The following GCC2 variants were observed in gnomAD, a reference collection of about 807,000 sequenced individuals.
GCC2 encodes the protein GRIP and coiled-coil domain containing 2, also known as GRIP and coiled-coil domain-containing protein 2.
Under a neutral mutation model 210.6 loss-of-function variants are expected in GCC2, and 120 were observed. That is an observed-to-expected ratio of 0.57 (90% CI 0.49 to 0.66). GCC2 has a LOEUF of 0.66. Among genes scored for constraint, GCC2 ranks in the 30% least tolerant of loss-of-function variants. GCC2 has a pLI of 0.00. For synonymous variants in GCC2, 703 were observed against 652.7 expected (o/e 1.08, Z -1.17); for missense variants, 1,868 against 1,871.9 (o/e 1.00, Z 0.04).
intron 5 of GCC2, 41 bp downstream of exon 5, chr2:108,469,125 T>C: frequency 4.4e-6 from 5 of 1,137,138 alleles, no homozygotes; most frequent in Non-Finnish European, 6.6e-6. Context: ...TTTATTAACA[T>C]ATAGTGTAGT....
At chr2:108,455,001 A>G (rs1311657417) in intron 4 of GCC2, among the ~76,000 whole-genome samples, 2 of 152,060 alleles carry the variant, frequency 1.3e-5, no homozygotes, top group African/African-American at 4.8e-5. Flanking sequence ...AAAACACTCT[A>G]GAAAGTTTTT....
At chr2:108,507,348 C>A (rs550162077) in intron 22 of GCC2, among the ~76,000 whole-genome samples, 1 of 150,596 alleles carries the variant, frequency 6.6e-6, no homozygotes, top group South Asian at 2.1e-4. Flanking sequence ...GAAGTCTCAT[C>A]ACGCCACTGC....
At chr2:108,486,358 G>C (rs1682139311) in intron 15 of GCC2, 153 bp from the exon 16 acceptor site, 2 of 747,072 alleles carry the variant, frequency 2.7e-6, no homozygotes, top group Non-Finnish European at 2.3e-6. Context: ...ACTTGTCTCT[G>C]CTTTTTCAAT....
At chr2:108,449,712 G>C (rs753835513) in intron 2 of GCC2, 23 bp downstream of exon 2, 22 of 1,602,836 alleles carry the variant, frequency 1.4e-5, no homozygotes, top group Non-Finnish European at 1.8e-5. Context: ...CTTGAATAGC[G>C]GGCTTCCTGA....
intron 4 of GCC2, among the ~76,000 whole-genome samples, chr2:108,455,378 G>T (rs1680201050): frequency 6.6e-6 from 1 of 152,094 alleles, no homozygotes; most frequent in African/African-American, 2.4e-5. Context: ...GGCAGAGGTT[G>T]CAGTGAGCTG....
rs749110429 is a variant in GCC2, at chr2:108,470,445, A to G, written c.1116A>G (p.Ile372Met). 3.7e-6 allele frequency: 6 copies of G among 1,607,028 alleles called. No individual in the cohort carries two copies. In the African/African-American group the frequency reaches 8.0e-5, roughly 21 times the overall value. Residue 372 changes from isoleucine to methionine, a missense_variant, in exon 6 of 23, where the codon ATA becomes ATG. Around this residue, in one of 3 missense-constraint regions of GCC2, gnomAD observed 1,847 missense variants for 1,765.2 expected, o/e 1.05. Coordinates refer to ENST00000309863, the MANE Select transcript of GCC2 (RefSeq NM_181453.4). ...AACTTGAAATGGATGCTCAACATAT[A>G]AAGGATGAGTTTTTTCATGAACGGG... ...KLKLEMDAQH[I>M]KDEFFHERED...
Position 108,470,022 on chromosome 2 carries a change from A to G in GCC2, c.693A>G (p.Gln231=). ...TTGAGGCTAATTCTCAGCATTACCA[A>G]AAAAATATTAATAGTTTGCAGGAAG... The part of the protein sequence containing the change: ...NIIEANSQHY[Q]KNINSLQEEL... Residue 231 remains glutamine, a synonymous_variant, in exon 6 of 23, where the codon CAA becomes CAG. Coordinates refer to ENST00000309863, the MANE Select transcript of GCC2 (RefSeq NM_181453.4). The G allele has an allele frequency of 6.2e-7, 1 of 1,612,846 alleles. No homozygotes were observed.
chr2:108,497,147 G>A lies in GCC2; in HGVS notation c.4782+38G>A, dbSNP rs367734995. On this transcript the variant is annotated intron_variant, in intron 21 of 22. Coordinates refer to ENST00000309863, the MANE Select transcript of GCC2 (RefSeq NM_181453.4). ...AACCTGGCCGCCGTGAAAACCGCCA[G>A]TTTGGTTTTCTTGACCCTCCATACA... The A allele has an allele frequency of 3.1e-6, 5 of 1,611,702 alleles. No individual in the cohort carries two copies. The African/African-American group carries it at 4.0e-5, about 13-fold the overall frequency.
In GCC2 at chr2:108,487,830, GAATT is replaced by G. The variant is rs748857698; in HGVS notation, c.4052+13_4052+16del. On this transcript the variant is annotated intron_variant, in intron 17 of 22. Coordinates refer to ENST00000309863, the MANE Select transcript of GCC2 (RefSeq NM_181453.4). ...GCGCTAAACAAGAAAGGTAAAGTCTGAATTAAATATGCAGAGTTTTCCTCCCACA... is the reference window on the plus strand; with the variant it reads ...GCGCTAAACAAGAAAGGTAAAGTCTGAAATATGCAGAGTTTTCCTCCCACA... 1 of 1,599,948 alleles carries G rather than the reference GAATT, an allele frequency of 6.3e-7. No individual in the cohort carries two copies. The highest frequency in any genetic ancestry group is 1.1e-5 in the South Asian group (1 of 90,558).
chr2:108,478,044 A>G (rs1402344602), intron 9 of GCC2, among the ~76,000 whole-genome samples: 3 of 149,824 alleles, frequency 2.0e-5, no homozygotes, highest in African/African-American at 7.5e-5. Flanking sequence ...AAAGGAAAAG[A>G]TTGATAGATT....
chr2:108,451,039 G>T lies in GCC2; in HGVS notation c.75G>T (p.Leu25Phe), dbSNP rs751176347. 6.2e-7 allele frequency: 1 copy of T among 1,610,986 alleles called. No homozygotes were observed. The highest frequency in any genetic ancestry group is 1.1e-5 in the South Asian group (1 of 90,990). The change falls in exon 3 of 23, where the codon TTG becomes TTT. Residue 25 changes from leucine (L) to phenylalanine (F), a missense_variant. Coordinates refer to ENST00000309863, the MANE Select transcript of GCC2 (RefSeq NM_181453.4). ...ACCACATCTTTCAGCTGGAAACATTGCCCAAAGAAGACCTCATCAAGTTTG... is the reference window on the plus strand; with the variant it reads ...ACCACATCTTTCAGCTGGAAACATTTCCCAAAGAAGACCTCATCAAGTTTG... ...PGTGKSKLET[L>F]PKEDLIKFAK...
intron 15 of GCC2, 54 bp from the exon 16 acceptor site, chr2:108,486,457 T>C (rs765510390): frequency 6.3e-7 from 1 of 1,583,814 alleles, no homozygotes; most frequent in South Asian, 1.1e-5. Flanking sequence ...GGAAAACCTC[T>C]TTAACTAGTG....
chr2:108,483,050 T>G lies in GCC2; in HGVS notation c.3346-12T>G. On this transcript the variant is annotated splice_polypyrimidine_tract_variant and intron_variant, in intron 11 of 22. Transcript: ENST00000309863. ...GTTGGGTGGTGTGGGTTGTTTTTATTTTTAATTTCAGGAACATGCCACTAC... is the reference window on the plus strand; with the variant it reads ...GTTGGGTGGTGTGGGTTGTTTTTATGTTTAATTTCAGGAACATGCCACTAC... 6.9e-7 allele frequency: 1 copy of G among 1,444,120 alleles called. No individual in the cohort carries two copies. Among genetic ancestry groups the G allele is most frequent in the South Asian group, 1.2e-5 (1 of 86,682 alleles). 89.5% of individuals were successfully genotyped at this position (1,444,120 alleles called of 1,614,324 possible). A position where few individuals can be genotyped will look rare whatever the true frequency, so the allele number is the denominator to read the frequency against.
intron 3 of GCC2, among the ~76,000 whole-genome samples, chr2:108,451,793 A>T (rs934048018): frequency 6.6e-6 from 1 of 150,674 alleles, no homozygotes; most frequent in East Asian, 1.9e-4. Context: ...AGATCTAGGC[A>T]TTTGCTAATT....
In GCC2 at chr2:108,506,766, G is replaced by A. The variant is rs550125403; in HGVS notation, c.4985-794G>A. Among the ~76,000 whole-genome samples, 16 of 152,140 alleles carry A rather than the reference G, an allele frequency of 1.1e-4. 1 individual carries two copies. In the South Asian group the frequency reaches 3.3e-3, roughly 32 times the overall value. On this transcript the variant is annotated intron_variant, in intron 22 of 22. Transcript: ENST00000309863. Reference sequence around the variant, plus strand: ...ATCGTCAACAATACTTAGTTGTGCTGGAAATTTTATTTTGGTATTGTTTAA... The same window carrying A: ...ATCGTCAACAATACTTAGTTGTGCTAGAAATTTTATTTTGGTATTGTTTAA...
chr2:108,471,460 T>G lies in GCC2; in HGVS notation c.2131T>G (p.Phe711Val). ...KKQLSRDLEV[F>V]LSQKEDVILK... ...ACAGTTGAGTAGGGATTTGGAGGTT[T>G]TTTTGTCTCAAAAAGAAGATGTTAT... The change falls in exon 6 of 23, where the codon TTT becomes GTT. Residue 711 changes from phenylalanine (F) to valine (V), a missense_variant. Around this residue, in one of 3 missense-constraint regions of GCC2, gnomAD observed 1,847 missense variants for 1,765.2 expected, o/e 1.05. Transcript: ENST00000309863. The G allele has an allele frequency of 6.2e-7, 1 of 1,610,280 alleles. No individual in the cohort carries two copies. The highest frequency in any genetic ancestry group is 1.1e-5 in the South Asian group (1 of 89,852).
At chr2:108,483,583 G>T (rs1681984197) in intron 12 of GCC2, among the ~76,000 whole-genome samples, 1 of 152,082 alleles carries the variant, frequency 6.6e-6, no homozygotes. Context: ...GTTACTTGTG[G>T]TACTAAAATA....
At position 108,470,446 on chromosome 2, in the gene GCC2, A is replaced by C. The variant is rs768508067; in HGVS notation, c.1117A>C (p.Lys373Gln). Residue 373 changes from lysine to glutamine, a missense_variant, in exon 6 of 23, where the codon AAG (lysine) becomes CAG (glutamine). Physicochemically the swap from Lys to Gln is moderately conservative, Grantham distance 53 (BLOSUM62 1). This residue lies in a region of GCC2 where 1,847 missense variants were observed against 1,765.2 expected (regional missense o/e 1.05). Coordinates refer to ENST00000309863, the MANE Select transcript of GCC2 (RefSeq NM_181453.4). ...ACTTGAAATGGATGCTCAACATATA[A>C]AGGATGAGTTTTTTCATGAACGGGA... is the stretch of plus-strand genomic sequence containing the variant. The part of the protein sequence containing the change: ...LKLEMDAQHI[K>Q]DEFFHEREDL... The C allele has an allele frequency of 6.2e-7, 1 of 1,606,722 alleles. No individual in the cohort carries two copies. Among genetic ancestry groups the C allele is most frequent in the Non-Finnish European group, 8.5e-7 (1 of 1,173,814 alleles).
intron 19 of GCC2, 90 bp downstream of exon 19, chr2:108,492,880 A>T: frequency 1.0e-6 from 1 of 962,746 alleles, no homozygotes; most frequent in Non-Finnish European, 1.6e-6. Flanking sequence ...AAGAAAGAAA[A>T]TTTACTAGGT....
Sources: gnomAD v4.1 joint callset for allele counts (sites outside exome capture counted in the v4.1 genomes callset) on GRCh38, gnomAD v4.1.1 for gene constraint, gnomAD v4.1.1 regional missense constraint, MANE v1.5 for transcripts, NCBI Gene and HGNC (gene_info 2026-07-23, HGNC 2026-07-21) for gene names.